The following NXPE2 variants were observed in gnomAD, a reference collection of about 807,000 sequenced individuals.
NXPE2 encodes the protein NXPE family member 2.
A neutral mutation model predicts 34.4 loss-of-function variants in NXPE2; 34 were observed. The observed-to-expected ratio is 0.99, with a 90% CI of 0.75 to 1.31. The LOEUF (loss-of-function observed/expected upper bound fraction) is 1.31. NXPE2 is among the 40% of genes most tolerant of loss of function. The pLI is 0.00. For synonymous variants in NXPE2, 235 were observed against 231.3 expected, an observed-to-expected ratio of 1.02 and a Z score of -0.15; for missense variants, 649 against 672.5, an observed-to-expected ratio of 0.97 and a Z score of 0.39.
the NXPE2 span, among the ~76,000 whole-genome samples, chr11:114,809,972 G>A: frequency 7.5e-4 from 113 of 151,344 alleles, no homozygotes; most frequent in African/African-American, 1.7e-3. Flanking sequence ...AAAACAGCAC[G>A]GTACTAGTAC....
At chr11:114,722,882 T>C in the NXPE2 span, among the ~76,000 whole-genome samples, 1 of 152,232 alleles carries the variant, frequency 6.6e-6, no homozygotes, top group East Asian at 1.9e-4. Context: ...CCACTTCTTA[T>C]AAATGACAGA....
the NXPE2 span, among the ~76,000 whole-genome samples, chr11:114,637,635 A>G: frequency 0.013 from 1,909 of 150,404 alleles, 29 homozygotes; most frequent in African/African-American, 0.044. Flanking sequence ...CGCTTCCTTC[A>G]GGAGCTCTTT....
At chr11:114,472,867 C>G in the NXPE2 span, among the ~76,000 whole-genome samples, 1 of 152,060 alleles carries the variant, frequency 6.6e-6, no homozygotes, top group African/African-American at 2.4e-5. Flanking sequence ...AACCGGCTTT[C>G]CTTGTTTGGG....
the NXPE2 span, among the ~76,000 whole-genome samples, chr11:114,731,557 C>G: frequency 6.6e-6 from 1 of 152,280 alleles, no homozygotes; most frequent in Non-Finnish European, 1.5e-5. Context: ...AAGGAACAAG[C>G]TGCTGATACA....
At chr11:114,530,165 G>A in the NXPE2 span, 1 of 1,584,436 alleles carries the variant, frequency 6.3e-7, no homozygotes, top group South Asian at 1.2e-5. Flanking sequence ...TACATGAAAA[G>A]TATACTCACC....
chr11:114,617,658 G>C, the NXPE2 span, among the ~76,000 whole-genome samples: 1 of 151,534 alleles, frequency 6.6e-6, no homozygotes. Flanking sequence ...GTTGCCTCTA[G>C]GGTAACCACT....
chr11:114,762,963 C>A, the NXPE2 span, among the ~76,000 whole-genome samples: 1 of 152,116 alleles, frequency 6.6e-6, no homozygotes, highest in Non-Finnish European at 1.5e-5. Flanking sequence ...AACGTCATGG[C>A]TCTGGGATGC....
At chr11:114,521,762 GGCATGGTATAGT>G in the NXPE2 span, 2 of 496,064 alleles carry the variant, frequency 4.0e-6, no homozygotes, top group Non-Finnish European at 7.0e-6. Flanking sequence ...ATCAGAACCA[GGCATGGTATAGT>G]CATTCTTCAT....
chr11:114,808,956 C>T, the NXPE2 span, among the ~76,000 whole-genome samples: 1 of 152,142 alleles, frequency 6.6e-6, no homozygotes, highest in Non-Finnish European at 1.5e-5. Flanking sequence ...AAAACACCGG[C>T]AAACTGAATC....
the NXPE2 span, among the ~76,000 whole-genome samples, chr11:114,472,596 A>C: frequency 2.0e-5 from 3 of 152,138 alleles, no homozygotes; most frequent in East Asian, 5.8e-4. Context: ...TAAACAACAG[A>C]GATTTATTTC....
the NXPE2 span, among the ~76,000 whole-genome samples, chr11:114,598,326 T>G: frequency 6.6e-6 from 1 of 152,332 alleles, no homozygotes; most frequent in South Asian, 2.1e-4. Flanking sequence ...AGGTGCAGAG[T>G]GCAAGCTGCC....
chr11:114,626,567 G>A, the NXPE2 span, among the ~76,000 whole-genome samples: 1 of 152,150 alleles, frequency 6.6e-6, no homozygotes, highest in Non-Finnish European at 1.5e-5. Context: ...CCACAAAGAT[G>A]GGGAAAAAAC....
In NXPE2 at chr11:114,706,641, G is replaced by T. The variant is rs1220276191; in HGVS notation, c.1391G>T (p.Arg464Leu). Residue 464 changes from arginine to leucine, a missense_variant, in exon 6 of 6, where the codon CGT (arginine) becomes CTT (leucine). Physicochemically the swap from Arg to Leu is moderately radical, Grantham distance 102. Coordinates refer to ENST00000389586, the MANE Select transcript of NXPE2 (RefSeq NM_182495.6). ...CCCTTTCCCATCAACATTTTCATCC[G>T]TAGGGCCATCAATATTCAAAAGGCC... is the stretch of plus-strand genomic sequence containing the variant. ...FRPFPINIFI[R>L]RAINIQKAIE... 1.3e-6 allele frequency: 2 copies of T among 1,551,850 alleles called. No homozygotes were observed. Among genetic ancestry groups the T allele is most frequent in the Admixed American group, 2.0e-5 (1 of 50,998 alleles).
At chr11:114,528,201 T>C in the NXPE2 span, among the ~76,000 whole-genome samples, 2 of 152,216 alleles carry the variant, frequency 1.3e-5, no homozygotes, top group Admixed American at 6.5e-5. Context: ...TCTCTCTTTC[T>C]GCTTCCACAT....
At chr11:114,803,205 C>G in the NXPE2 span, among the ~76,000 whole-genome samples, 1 of 152,194 alleles carries the variant, frequency 6.6e-6, no homozygotes, top group Non-Finnish European at 1.5e-5. Flanking sequence ...TTGTTTTACC[C>G]CTGTGCAGAA....
the NXPE2 span, among the ~76,000 whole-genome samples, chr11:114,761,755 T>C: frequency 6.6e-6 from 1 of 151,224 alleles, no homozygotes; most frequent in South Asian, 2.1e-4. Flanking sequence ...TTTGTATTTT[T>C]AGTAGAGACG....
At chr11:114,680,808 C>CA (rs1374619515) in intron 2 of NXPE2, among the ~76,000 whole-genome samples, 1 of 152,096 alleles carries the variant, frequency 6.6e-6, no homozygotes, top group Non-Finnish European at 1.5e-5. Context: ...TATGTCCTTC[C>CA]AAAAGTGAAA....
At chr11:114,599,430 C>T in the NXPE2 span, among the ~76,000 whole-genome samples, 9 of 152,142 alleles carry the variant, frequency 5.9e-5, no homozygotes, top group Non-Finnish European at 1.5e-5. Context: ...GCCTGTTATC[C>T]AGTTAAAGTT....
the NXPE2 span, among the ~76,000 whole-genome samples, chr11:114,758,145 G>T: frequency 6.6e-6 from 1 of 150,940 alleles, no homozygotes; most frequent in Non-Finnish European, 1.5e-5. Flanking sequence ...TGCTGGAGTT[G>T]TTCACAGACA....
Sources: gnomAD v4.1 joint callset for allele counts (sites outside exome capture counted in the v4.1 genomes callset) on GRCh38, gnomAD v4.1.1 for gene constraint, MANE v1.5 for transcripts, NCBI Gene and HGNC (gene_info 2026-07-23, HGNC 2026-07-21) for gene names.